The following ZNF610 variants were observed in gnomAD, a reference collection of about 807,000 sequenced individuals.
The protein encoded by ZNF610 is zink finger protein.
In ZNF610, 14 loss-of-function variants were observed where a neutral mutation model predicts 14.1. That is an observed-to-expected ratio of 0.99 (90% confidence interval 0.65 to 1.55). ZNF610 has a LOEUF of 1.55. Ranked by LOEUF, ZNF610 falls within the 40% of genes most tolerant of loss-of-function variation. The pLI, the probability that ZNF610 is intolerant of heterozygous loss-of-function variation, is 0.00. For synonymous variants in ZNF610, 185 were observed against 187.6 expected, an observed-to-expected ratio of 0.99 and a Z score of 0.11; for missense variants, 530 against 558.0, an observed-to-expected ratio of 0.95 and a Z score of 0.51.
At chr19:52,336,672 G>C (rs1441426423) in intron 1 of ZNF610, among the ~76,000 whole-genome samples, 166 bp downstream of exon 1, 1 of 152,176 alleles carries the variant, frequency 6.6e-6, no homozygotes, top group Non-Finnish European at 1.5e-5. Context: ...CAGTCCCGGC[G>C]GGGGAGGCCG....
intron 1 of ZNF610, among the ~76,000 whole-genome samples, chr19:52,338,492 G>A (rs987801048): frequency 2.0e-5 from 3 of 152,044 alleles, no homozygotes; most frequent in Admixed American, 6.6e-5. Context: ...CAAGACCAGC[G>A]TGGCCAACAA....
chr19:52,358,727 G>C (rs1048813527), intron 5 of ZNF610, among the ~76,000 whole-genome samples: 3 of 152,088 alleles, frequency 2.0e-5, no homozygotes, highest in African/African-American at 7.2e-5. Context: ...AAGCATTATT[G>C]AATCCAACGT....
chr19:52,356,532 A>G (rs1985530037), intron 5 of ZNF610, among the ~76,000 whole-genome samples: 1 of 148,210 alleles, frequency 6.7e-6, no homozygotes. Context: ...GTATCAGGGA[A>G]TGGCCATTGA....
At position 52,365,900 on chromosome 19, in the gene ZNF610, C is replaced by G; in HGVS notation, c.522C>G (p.His174Gln). ...LQKISSSFTT[H>Q]IFNKYRNDLI... Reference sequence around the variant, plus strand: ...AAATTTCTTCTAGTTTCACAACACACATTTTTAATAAATATAGAAATGATC... The same window carrying G: ...AAATTTCTTCTAGTTTCACAACACAGATTTTTAATAAATATAGAAATGATC... Residue 174 changes from histidine to glutamine, a missense_variant, in exon 6 of 6, where the codon CAC (histidine) becomes CAG (glutamine). By Grantham distance (24) the His-to-Gln change is conservative. Coordinates refer to ENST00000403906, the MANE Select transcript of ZNF610 (RefSeq NM_001161425.2). The G allele has an allele frequency of 6.2e-7, 1 of 1,612,812 alleles. No individual in the cohort carries two copies. The highest frequency in any genetic ancestry group is 8.5e-7 in the Non-Finnish European group (1 of 1,179,570).
At chr19:52,348,696 T>G (rs1188497091) in intron 2 of ZNF610, among the ~76,000 whole-genome samples, 1 of 152,150 alleles carries the variant, frequency 6.6e-6, no homozygotes, top group Non-Finnish European at 1.5e-5. Flanking sequence ...CTGTTTGAGG[T>G]TCCAGGCATC....
intron 1 of ZNF610, among the ~76,000 whole-genome samples, chr19:52,343,574 AAT>A (rs1427879652): frequency 1.3e-5 from 2 of 152,140 alleles, no homozygotes; most frequent in Non-Finnish European, 2.9e-5. Context: ...CAAAAAAAAA[AAT>A]GTATTTGCTC....
upstream of ZNF610, among the ~76,000 whole-genome samples, chr19:52,333,228 AAAAAGATAAGAAAAAACG>A (rs1984248873): frequency 6.6e-6 from 1 of 152,196 alleles, no homozygotes; most frequent in South Asian, 2.1e-4. Flanking sequence ...GTATGTTTAT[AAAAAGATAAGAAAAAACG>A]CATTAGAAGC....
At chr19:52,362,285 C>G (rs1003891226) in intron 5 of ZNF610, among the ~76,000 whole-genome samples, 2 of 152,250 alleles carry the variant, frequency 1.3e-5, no homozygotes, top group African/African-American at 4.8e-5. Context: ...GTGGCACACG[C>G]CTGTAGTCCC....
At chr19:52,354,713 A>G (rs2560972) in intron 5 of ZNF610, among the ~76,000 whole-genome samples, 4,389 of 150,300 alleles carry the variant, frequency 0.029, 188 homozygotes, top group African/African-American at 0.087. Flanking sequence ...CCAGTAGCTG[A>G]GATTACAGGC....
intron 3 of ZNF610, among the ~76,000 whole-genome samples, chr19:52,352,993 C>T (rs1038284149): frequency 6.6e-6 from 1 of 152,050 alleles, no homozygotes; most frequent in Non-Finnish European, 1.5e-5. Context: ...GGCTGGAGTG[C>T]AGTGGTGCGA....
chr19:52,358,595 T>G (rs1303524732), intron 5 of ZNF610, among the ~76,000 whole-genome samples: 1 of 152,270 alleles, frequency 6.6e-6, no homozygotes, highest in Non-Finnish European at 1.5e-5. Context: ...TTCTCACATA[T>G]GGTAGGTTTC....
intron 5 of ZNF610, among the ~76,000 whole-genome samples, chr19:52,360,011 G>A (rs549525925): frequency 6.6e-6 from 1 of 152,330 alleles, no homozygotes; most frequent in East Asian, 1.9e-4. Context: ...TATGGGGGAA[G>A]GGGTGTGGAG....
At chr19:52,365,237 C>T (rs894064488) in intron 5 of ZNF610, among the ~76,000 whole-genome samples, 1 of 104,344 alleles carries the variant, frequency 9.6e-6, no homozygotes, top group Non-Finnish European at 2.1e-5. Flanking sequence ...GACTCCGTCT[C>T]AAAAAAAAAA....
chr19:52,359,581 G>A (rs938342423), intron 5 of ZNF610, among the ~76,000 whole-genome samples: 4 of 152,198 alleles, frequency 2.6e-5, no homozygotes, highest in African/African-American at 7.2e-5. Context: ...ATCTGAGAGT[G>A]TTTTAAGAAA....
intron 1 of ZNF610, among the ~76,000 whole-genome samples, chr19:52,340,692 A>ATTG (rs1984645688): frequency 6.6e-6 from 1 of 150,882 alleles, no homozygotes; most frequent in Non-Finnish European, 1.5e-5. Flanking sequence ...TATTATTATT[A>ATTG]TTATTTGAGA....
chr19:52,363,596 A>ACCC (rs1200203154), intron 5 of ZNF610, among the ~76,000 whole-genome samples: 1 of 151,844 alleles, frequency 6.6e-6, no homozygotes, highest in Non-Finnish European at 1.5e-5. Context: ...GGTGAATTGA[A>ACCC]CCCTTCATCA....
At chr19:52,359,538 C>T (rs1226825645) in intron 5 of ZNF610, among the ~76,000 whole-genome samples, 3 of 152,096 alleles carry the variant, frequency 2.0e-5, no homozygotes, top group Admixed American at 6.6e-5. Flanking sequence ...GGAAGGCCTG[C>T]AGTAAGGAAC....
Position 52,349,181 on chromosome 19 carries a change from T to C in ZNF610, c.9T>C (p.Cys3=), listed in dbSNP as rs1448606177. 2 of 1,613,480 alleles carry C rather than the reference T, an allele frequency of 1.2e-6. No homozygotes were observed. The highest frequency in any genetic ancestry group is 2.7e-5 in the African/African-American group (2 of 74,834). The part of the protein sequence containing the change: ML[C]DEEAQKRKAK... ...TTGACTTATAAACAGTCATGCTATG[T>C]GATGAAGAAGCCCAGAAGAGGAAAG... The change falls in exon 3 of 6, where the codon TGT becomes TGC. Residue 3 remains cysteine (C), a synonymous_variant. Coordinates refer to ENST00000403906, the MANE Select transcript of ZNF610 (RefSeq NM_001161425.2).
At chr19:52,342,678 C>T (rs1247090347) in intron 1 of ZNF610, among the ~76,000 whole-genome samples, 1 of 151,968 alleles carries the variant, frequency 6.6e-6, no homozygotes, top group Non-Finnish European at 1.5e-5. Flanking sequence ...AGGTCCGTAC[C>T]ACCACACCTG....
Sources: allele counts gnomAD v4.1 joint callset (sites outside exome capture counted in the v4.1 genomes callset), GRCh38; gene constraint gnomAD v4.1.1; transcripts MANE v1.5; gene names NCBI Gene and HGNC (gene_info 2026-07-23, HGNC 2026-07-21).